Variants in DAO observed in about 807,000 individuals in gnomAD.
DAO encodes the protein D-amino-acid oxidase.
A neutral mutation model predicts 50.1 loss-of-function variants in DAO; 51 were observed. The ratio of observed to expected loss-of-function variants is 1.02; its 90% confidence interval spans 0.81 to 1.29. DAO has a LOEUF of 1.29. Ranked by LOEUF, DAO falls within the 50% of genes most tolerant of loss-of-function variation. The pLI is 0.00. For synonymous variants in DAO, 160 were observed against 166.2 expected, an observed-to-expected ratio of 0.96 and a Z score of 0.29; for missense variants, 436 against 439.4, an observed-to-expected ratio of 0.99 and a Z score of 0.07.
In DAO at chr12:108,887,549, C is replaced by T. The variant is rs759571556; in HGVS notation, c.294C>T (p.Phe98=). The stretch of plus-strand genomic sequence containing the variant: ...TCCTAATCTCGGGCTACAACCTCTT[C>T]CATGAAGCCATTCCGGTGGGTGAAC... The part of the protein sequence containing the change: ...GLFLISGYNL[F]HEAIPDPSWK... The change falls in exon 3 of 11, where the codon TTC becomes TTT. Residue 98 remains phenylalanine (F), a synonymous_variant. Coordinates refer to ENST00000228476, the MANE Select transcript of DAO (RefSeq NM_001917.5). 1.2e-6 allele frequency: 2 copies of T among 1,612,614 alleles called. No individual in the cohort carries two copies. Among genetic ancestry groups the T allele is most frequent in the East Asian group, 4.5e-5 (2 of 44,874 alleles).
chr12:108,895,587 T>C (rs2039543885), intron 7 of DAO, among the ~76,000 whole-genome samples: 1 of 149,156 alleles, frequency 6.7e-6, no homozygotes, highest in Non-Finnish European at 1.5e-5. Flanking sequence ...TGAGAGTGTA[T>C]GTACGTGTGT....
chr12:108,900,340 A>C (rs1157989532), intron 10 of DAO, 64 bp from the exon 11 acceptor site: 9 of 1,596,344 alleles, frequency 5.6e-6, no homozygotes, highest in Non-Finnish European at 7.7e-6. Flanking sequence ...AGGGCAGAAG[A>C]GCTTCATCTA....
intron 1 of DAO, among the ~76,000 whole-genome samples, chr12:108,883,005 C>CTTGTCTCT (rs2039396996): frequency 6.6e-6 from 1 of 151,896 alleles, no homozygotes; most frequent in South Asian, 2.1e-4. Context: ...AGAGTGAGAC[C>CTTGTCTCT]TTGTCTCTTA....
intron 1 of DAO, among the ~76,000 whole-genome samples, chr12:108,883,070 C>T (rs1019546566): frequency 6.6e-6 from 1 of 151,838 alleles, no homozygotes; most frequent in Non-Finnish European, 1.5e-5. Flanking sequence ...AGTCAAAAAG[C>T]CCAGAGAGGG....
At chr12:108,882,582 C>T (rs906957632) in intron 1 of DAO, among the ~76,000 whole-genome samples, 1 of 152,150 alleles carries the variant, frequency 6.6e-6, no homozygotes, top group East Asian at 1.9e-4. Flanking sequence ...CCTGGTTTGC[C>T]TGGGACTCTG....
At chr12:108,895,403 G>GTA (rs1736450814) in intron 7 of DAO, among the ~76,000 whole-genome samples, 1 of 150,122 alleles carries the variant, frequency 6.7e-6, no homozygotes, top group African/African-American at 2.5e-5. Flanking sequence ...ATATGTGAGG[G>GTA]TGTGTGTGCA....
chr12:108,894,502 T>TA (rs374876157), intron 7 of DAO, 135 bp downstream of exon 7: 74 of 737,904 alleles, frequency 1.0e-4, no homozygotes, highest in Non-Finnish European at 1.2e-4. Flanking sequence ...AATTGACATG[T>TA]AAAAAAAACA....
chr12:108,885,419 G>A (rs1177027586), intron 2 of DAO, among the ~76,000 whole-genome samples: 2 of 152,092 alleles, frequency 1.3e-5, no homozygotes, highest in Admixed American at 6.5e-5. Flanking sequence ...GATCAGCCTG[G>A]GCAACGTGGT....
At chr12:108,899,860 T>C (rs1566041178) in intron 10 of DAO, 1 of 331,586 alleles carries the variant, frequency 3.0e-6, no homozygotes, top group Non-Finnish European at 5.8e-6. Context: ...TCATTGGCAA[T>C]ATTAATCGTG....
In DAO at chr12:108,898,810, G is replaced by A. The variant is rs748770786; in HGVS notation, c.813+14G>A. On this transcript the variant is annotated intron_variant, in intron 9 of 10. Transcript: ENST00000228476. ...CCCACACTGAAGGTAAGGTAGGGAG[G>A]AGTAGCAGTGCCCTAAACCAAGGTC... 1 of 1,579,800 alleles carries A rather than the reference G, an allele frequency of 6.3e-7. No homozygotes were observed. The highest frequency in any genetic ancestry group is 2.2e-5 in the East Asian group (1 of 44,692).
In DAO at chr12:108,900,382, CCTTCTCT is replaced by C. The variant is rs747691375; in HGVS notation, c.913-18_913-12del. The C allele has an allele frequency of 7.4e-6, 12 of 1,613,432 alleles. No individual in the cohort carries two copies. The highest frequency in any genetic ancestry group is 1.0e-5 in the Non-Finnish European group (12 of 1,179,738). ...CCACTGTCCCTCTCGGACCTGGCCA[CCTTCTCT>C]CTTGCCTCTCCTAGGTCATCCACAA... On this transcript the variant is annotated splice_polypyrimidine_tract_variant and intron_variant, in intron 10 of 10. Transcript: ENST00000228476.
chr12:108,892,850 ATCT>A, intron 5 of DAO, 129 bp from the exon 6 acceptor site: 3 of 796,170 alleles, frequency 3.8e-6, no homozygotes, highest in Non-Finnish European at 6.6e-6. Flanking sequence ...TGACACAGCC[ATCT>A]TCTCAAGCAG....
At chr12:108,883,391 C>G (rs764571337) in intron 1 of DAO, among the ~76,000 whole-genome samples, 1 of 152,180 alleles carries the variant, frequency 6.6e-6, no homozygotes, top group Non-Finnish European at 1.5e-5. Flanking sequence ...CGTGATCCAC[C>G]CGCCTCGGCC....
chr12:108,881,592 T>G (rs2039380728), intron 1 of DAO, among the ~76,000 whole-genome samples: 1 of 144,408 alleles, frequency 6.9e-6, no homozygotes, highest in South Asian at 2.2e-4. Context: ...CACACTTTTT[T>G]CCTTTTAAAT....
chr12:108,893,151 C>CT, intron 6 of DAO, 115 bp downstream of exon 6: 1 of 882,692 alleles, frequency 1.1e-6, no homozygotes, highest in Non-Finnish European at 1.8e-6. Context: ...ACAGGCCTGC[C>CT]TCAGACCCTT....
intron 7 of DAO, among the ~76,000 whole-genome samples, chr12:108,895,471 T>C (rs1162752363): frequency 8.1e-6 from 1 of 122,922 alleles, no homozygotes; most frequent in Admixed American, 8.4e-5. Flanking sequence ...GTGGGGGTGA[T>C]TGTGCATGTA....
At chr12:108,886,843 A>G (rs1322890907) in intron 2 of DAO, among the ~76,000 whole-genome samples, 1 of 152,144 alleles carries the variant, frequency 6.6e-6, no homozygotes, top group Non-Finnish European at 1.5e-5. Flanking sequence ...GGCTCCTTCC[A>G]TCTAATGGCT....
intron 4 of DAO, 138 bp downstream of exon 4, chr12:108,889,683 A>G: frequency 1.4e-6 from 1 of 706,784 alleles, no homozygotes; most frequent in South Asian, 1.5e-5. Context: ...TCCTTGGTCC[A>G]GCTCCTTCAG....
intron 7 of DAO, among the ~76,000 whole-genome samples, chr12:108,895,540 ATG>A (rs1335243462): frequency 3.3e-5 from 4 of 122,420 alleles, no homozygotes; most frequent in African/African-American, 3.2e-5. Context: ...ATGTGAGGGT[ATG>A]TGTGTGTGCA....
Sources: gnomAD v4.1 joint callset for allele counts (sites outside exome capture counted in the v4.1 genomes callset) on GRCh38, gnomAD v4.1.1 for gene constraint, MANE v1.5 for transcripts, NCBI Gene and HGNC (gene_info 2026-07-23, HGNC 2026-07-21) for gene names.